ADGRD2: variants seen among roughly 807,000 people sequenced by gnomAD.
The protein encoded by ADGRD2 is adhesion G protein-coupled receptor D2.
Under a neutral mutation model 44.4 loss-of-function variants are expected in ADGRD2, and 71 were observed. The ratio of observed to expected loss-of-function variants is 1.60; its 90% CI spans 1.32 to 1.95. ADGRD2 has a LOEUF of 1.95. Among genes scored for constraint, ADGRD2 ranks in the 30% most tolerant of loss-of-function variants. The pLI is 0.00. For missense variants in ADGRD2, 1,039 were observed against 512.4 expected (o/e 2.03, Z -9.92); for synonymous variants, 481 against 224.8 (o/e 2.14, Z -10.19).
exon 18 of ADGRD2, chr9:124,475,471 C>T (rs563338203): frequency 6.4e-5 from 46 of 713,660 alleles, no homozygotes; most frequent in Non-Finnish European, 1.2e-4. Flanking sequence ...CTGGTTTATG[C>T]TGCCTGCAAT....
intron 10 of ADGRD2, among the ~76,000 whole-genome samples, chr9:124,461,561 G>A (rs955438956): frequency 6.6e-6 from 1 of 151,970 alleles, no homozygotes; most frequent in Non-Finnish European, 1.5e-5. Flanking sequence ...GAATTTTCTT[G>A]TCACCTTTGT....
At chr9:124,470,395 AC>A (rs1831924536) in intron 16 of ADGRD2, 98 bp from the exon 20 acceptor site, 1 of 625,368 alleles carries the variant, frequency 1.6e-6, no homozygotes, top group Non-Finnish European at 2.9e-6. Flanking sequence ...CTCAGCTCCC[AC>A]CCCGCTCCAG....
At chr9:124,460,155 G>A (rs1831700431) in intron 10 of ADGRD2, among the ~76,000 whole-genome samples, 1 of 151,170 alleles carries the variant, frequency 6.6e-6, no homozygotes, top group East Asian at 1.9e-4. Flanking sequence ...TCAGAATGGG[G>A]CTGCGGGTGG....
rs1564144790 is a variant in ADGRD2, at chr9:124,476,343, CT to C, written c.2846-10del. On this transcript the variant is annotated splice_polypyrimidine_tract_variant and intron_variant, in intron 19 of 21. Coordinates refer to ENST00000334810, the Ensembl canonical transcript of ADGRD2. The stretch of plus-strand genomic sequence containing the variant: ...CTGCCTTCGTCTCTCAAAAATTTGC[CT>C]TTTCCTCCCTAGGGACCTATGGCCC... The C allele has an allele frequency of 4.4e-6, 3 of 687,474 alleles. No individual in the cohort carries two copies. Among genetic ancestry groups the C allele is most frequent in the Non-Finnish European group, 8.0e-6 (3 of 374,514 alleles). The allele number at this position is 687,474 out of a possible 1,614,324, so 42.6% of individuals were successfully genotyped here.
chr9:124,475,332 G>A, intron 17 of ADGRD2, 114 bp from the exon 21 acceptor site: 2 of 613,344 alleles, frequency 3.3e-6, no homozygotes, highest in African/African-American at 1.9e-5. Context: ...CTGTCTCTGG[G>A]TATCTCTGCA....
chr9:124,457,147 G>A (rs567320799), intron 7 of ADGRD2, among the ~76,000 whole-genome samples: 4 of 152,342 alleles, frequency 2.6e-5, no homozygotes, highest in East Asian at 1.9e-4. Flanking sequence ...TACACACTCC[G>A]TGAATGTTTG....
chr9:124,475,725 C>G (rs901787118), intron 19 of ADGRD2, 110 bp downstream of exon 22: 24 of 557,662 alleles, frequency 4.3e-5, no homozygotes, highest in Non-Finnish European at 6.7e-5. Flanking sequence ...GCTGGGGGAC[C>G]AGCCTGAGGC....
At chr9:124,453,704 C>A in intron 3 of ADGRD2, 28 bp downstream of exon 6, 2 of 681,860 alleles carry the variant, frequency 2.9e-6, no homozygotes, top group South Asian at 1.5e-5. Context: ...CCGGCCCCAC[C>A]CCATGGCCCC....
At chr9:124,460,200 AT>A (rs749872013) in intron 10 of ADGRD2, among the ~76,000 whole-genome samples, 5,006 of 128,438 alleles carry the variant, frequency 0.039, 214 homozygotes, top group African/African-American at 0.12. Context: ...CCACGCTCTG[AT>A]TTTTTTTTTT....
At chr9:124,476,244 C>G (rs1832046915) in intron 19 of ADGRD2, 113 bp from the exon 23 acceptor site, 2 of 607,586 alleles carry the variant, frequency 3.3e-6, no homozygotes, top group Non-Finnish European at 6.0e-6. Flanking sequence ...GTGAGGTAAA[C>G]CTTGGAGTGG....
At chr9:124,468,218 C>G in intron 13 of ADGRD2, 28 bp downstream of exon 16, 1 of 718,050 alleles carries the variant, frequency 1.4e-6, no homozygotes, top group Admixed American at 2.0e-5. Context: ...GGGCTGGAAG[C>G]CCGGGGAAGC....
At chr9:124,475,839 G>A (rs771231985) in intron 19 of ADGRD2, among the ~76,000 whole-genome samples, 8 of 152,108 alleles carry the variant, frequency 5.3e-5, no homozygotes, top group African/African-American at 1.9e-4. Context: ...TGGGAGTGCC[G>A]CCCAGTGCCT....
exon 14 of ADGRD2, chr9:124,468,590 G>A: frequency 1.4e-6 from 1 of 718,606 alleles, no homozygotes; most frequent in East Asian, 2.7e-5. Flanking sequence ...TGCTGGTGGA[G>A]GGGCTGCTGC....
intron 3 of ADGRD2, 124 bp from the exon 7 acceptor site, chr9:124,453,875 C>T (rs1007906182): frequency 5.8e-5 from 35 of 598,830 alleles, no homozygotes; most frequent in African/African-American, 1.9e-5. Context: ...CCCCCTTACC[C>T]CCACCCCGAG....
Position 124,454,931 on chromosome 9 carries a change from C to T in ADGRD2, c.1199C>T (p.Ala400Val), listed in dbSNP as rs534154916. 5 of 717,062 alleles carry T rather than the reference C, an allele frequency of 7.0e-6. No individual in the cohort carries two copies. Among genetic ancestry groups the T allele is most frequent in the Admixed American group, 6.0e-5 (3 of 50,022 alleles). The allele number at this position is 717,062 out of a possible 1,614,324, so 44.4% of individuals were successfully genotyped here. A position where few individuals can be genotyped will look rare whatever the true frequency, so the allele number is the denominator to read the frequency against. Residue 400 changes from alanine to valine, a missense_variant, in exon 6 of 22, where the codon GCG becomes GTG. Physicochemically the swap from Ala to Val is moderately conservative, Grantham distance 64 (BLOSUM62 0). Coordinates refer to ENST00000334810, the Ensembl canonical transcript of ADGRD2. The surrounding 1 kb of genome is among the most constrained non-coding windows in gnomAD (Gnocchi z 4.5). ...CTGGGCCTTCTGGAGCATGTCCTGG[C>T]GATGGAGATGGCTCCCCTGGGGCCG...
At chr9:124,458,624 G>A (rs777917342) in exon 10 of ADGRD2, 19 of 718,634 alleles carry the variant, frequency 2.6e-5, no homozygotes, top group Non-Finnish European at 4.2e-5. Flanking sequence ...AGGTTCCTAA[G>A]CACCCAGGTG....
At chr9:124,467,740 C>T (rs1279401193) in exon 12 of ADGRD2, 7 of 718,322 alleles carry the variant, frequency 9.7e-6, no homozygotes, top group Admixed American at 6.0e-5. Context: ...GAGGAGGAGT[C>T]GCTGCTGAGG....
At chr9:124,452,514 C>G (rs1306230832) in exon 2 of ADGRD2, 1 of 718,518 alleles carries the variant, frequency 1.4e-6, no homozygotes. Flanking sequence ...TTTTAGCCCC[C>G]GTGGCCGCCG....
chr9:124,453,639 G>C, exon 3 of ADGRD2: 2 of 700,892 alleles, frequency 2.9e-6, no homozygotes, highest in South Asian at 3.0e-5. Context: ...TCACGCCCTC[G>C]CTGCTGCCCA....
Sources: gnomAD v4.1 joint callset for allele counts (sites outside exome capture counted in the v4.1 genomes callset) on GRCh38, gnomAD v4.1.1 for gene constraint, Gnocchi (gnomAD v3.1) non-coding constraint, MANE v1.5 for transcripts, NCBI Gene and HGNC (gene_info 2026-07-23, HGNC 2026-07-21) for gene names.